The following ZER1 variants were observed in gnomAD, a reference collection of about 807,000 sequenced individuals.
The protein encoded by ZER1 is protein zer-1 homolog.
A neutral mutation model predicts 78.8 loss-of-function variants in ZER1; 11 were observed. The observed-to-expected ratio is 0.14, with a 90% CI of 0.09 to 0.23. ZER1 has a LOEUF of 0.23. Ranked by LOEUF, ZER1 falls within the 10% of genes least tolerant of loss-of-function variation. The probability of loss-of-function intolerance (pLI) is 1.00; values close to 1 mark genes in which losing one functional copy is unlikely to be tolerated. For missense variants in ZER1, 588 were observed against 996.9 expected (o/e 0.59, Z 5.52); for synonymous variants, 400 against 407.0 (o/e 0.98, Z 0.21).
chr9:128,739,091 C>G (rs2132404767), intron 13 of ZER1, among the ~76,000 whole-genome samples: 1 of 151,854 alleles, frequency 6.6e-6, no homozygotes, highest in East Asian at 2.0e-4. Flanking sequence ...ACCTCGTGAT[C>G]TGCCCGCCTC....
intron 1 of ZER1, among the ~76,000 whole-genome samples, chr9:128,760,429 C>G (rs1864004809): frequency 1.3e-5 from 2 of 151,394 alleles, no homozygotes; most frequent in Admixed American, 6.6e-5. Flanking sequence ...GTCTCAATCT[C>G]CTGACCTTGT....
At chr9:128,750,841 G>A (rs369770709) in intron 7 of ZER1, 52 bp from the exon 8 acceptor site, 42 of 1,606,156 alleles carry the variant, frequency 2.6e-5, no homozygotes, top group Non-Finnish European at 3.4e-5. Context: ...AGAGGCCTGG[G>A]CTCTGCAAGG....
chr9:128,738,090 G>C (rs1863150046), intron 13 of ZER1, among the ~76,000 whole-genome samples: 2 of 148,140 alleles, frequency 1.4e-5, no homozygotes, highest in African/African-American at 5.0e-5. Flanking sequence ...TGTCGCCCAG[G>C]CTGGAGTGCA....
In ZER1 at chr9:128,741,855, C is replaced by A; in HGVS notation, c.1576-14G>T. ...CTTCAGCATGGTCTGCAGGCAGGGA[C>A]AAGAGTCTGCTAGAGTGCTGGGGCT... On this transcript the variant is annotated splice_polypyrimidine_tract_variant and intron_variant, in intron 9 of 15. Transcript: ENST00000291900. The A allele has an allele frequency of 6.2e-7, 1 of 1,614,206 alleles. No homozygotes were observed. The highest frequency in any genetic ancestry group is 8.5e-7 in the Non-Finnish European group (1 of 1,180,028).
intron 1 of ZER1, among the ~76,000 whole-genome samples, chr9:128,767,989 T>C (rs1864268087): frequency 1.3e-5 from 2 of 152,216 alleles, no homozygotes; most frequent in African/African-American, 4.8e-5. Flanking sequence ...TGTCAGCATG[T>C]TGCGAGTGGC....
In ZER1 at chr9:128,755,488, G is replaced by C. The variant is rs766216819; in HGVS notation, c.78C>G (p.Gly26=). The C allele has an allele frequency of 3.7e-6, 6 of 1,614,032 alleles. No homozygotes were observed. Among genetic ancestry groups the C allele is most frequent in the Non-Finnish European group, 4.2e-6 (5 of 1,180,018 alleles). Residue 26 remains glycine, a synonymous_variant, in exon 2 of 16, where the codon GGC becomes GGG. Coordinates refer to ENST00000291900, the MANE Select transcript of ZER1 (RefSeq NM_006336.4). This position sits in a 1 kb window ranked among gnomAD's most constrained non-coding sequence, Gnocchi z 5.6. ...FCLRNLDGTL[G]YLLDKETLRL... ...GCAGGGTCTCCTTGTCCAGCAGGTA[G>C]CCCAGGGTGCCATCCAGGTTGCGCA...
intron 13 of ZER1, among the ~76,000 whole-genome samples, chr9:128,738,368 ATTTATT>A (rs1184024452): frequency 5.1e-5 from 7 of 137,678 alleles, no homozygotes; most frequent in African/African-American, 1.1e-4. Flanking sequence ...TGTTTTTTTA[ATTTATT>A]TTTATTTTTA....
At chr9:128,763,767 C>T (rs1864120588) in intron 1 of ZER1, among the ~76,000 whole-genome samples, 1 of 152,158 alleles carries the variant, frequency 6.6e-6, no homozygotes, top group African/African-American at 2.4e-5. Context: ...GTAGGTGGAT[C>T]ACCTGAGGTC....
chr9:128,751,229 T>A lies in ZER1; in HGVS notation c.1078A>T (p.Ile360Phe), dbSNP rs1034637395. Residue 360 changes from isoleucine (I) to phenylalanine (F), a missense_variant, in exon 7 of 16, where the codon ATC becomes TTC. Physicochemically the swap from Ile to Phe is conservative, Grantham distance 21. Coordinates refer to ENST00000291900, the MANE Select transcript of ZER1 (RefSeq NM_006336.4). This position sits in a 1 kb window ranked among gnomAD's most constrained non-coding sequence, Gnocchi z 5.4. Reference sequence around the variant, plus strand: ...GGCCGGTGCTCCGTGTAGGCCTCGATGGCATTCAGCACCTGCTCTTCGTTT... The same window carrying A: ...GGCCGGTGCTCCGTGTAGGCCTCGAAGGCATTCAGCACCTGCTCTTCGTTT... ...DKNEEQVLNA[I>F]EAYTEHRPEI... 1 of 1,604,710 alleles carries A rather than the reference T, an allele frequency of 6.2e-7. No homozygotes were observed.
chr9:128,756,992 G>A (rs1432541181), intron 1 of ZER1, among the ~76,000 whole-genome samples: 1 of 152,078 alleles, frequency 6.6e-6, no homozygotes, highest in East Asian at 1.9e-4. Flanking sequence ...GTGCTAACCA[G>A]GAGGTAGAAA....
Position 128,740,101 on chromosome 9 carries a change from C to T in ZER1, c.1872G>A (p.Lys624=). Residue 624 remains lysine (K), a synonymous_variant, in exon 13 of 16, where the codon AAG becomes AAA. Transcript: ENST00000291900. The surrounding 1 kb of genome is among the most constrained non-coding windows in gnomAD (Gnocchi z 4.4). The stretch of plus-strand genomic sequence containing the variant: ...TGTAGGAAACCTCGATCCCATCGGC[C>T]TTGCTCTCCAACAGGTTGCTGCCAG... ...ISVFSNLLES[K]ADGIEVSYNA... 1 of 1,605,958 alleles carries T rather than the reference C, an allele frequency of 6.2e-7. No individual in the cohort carries two copies. Among genetic ancestry groups the T allele is most frequent in the Non-Finnish European group, 8.5e-7 (1 of 1,173,322 alleles).
At chr9:128,745,321 G>T (rs1341324827) in intron 8 of ZER1, among the ~76,000 whole-genome samples, 2 of 150,868 alleles carry the variant, frequency 1.3e-5, no homozygotes, top group Non-Finnish European at 3.0e-5. Flanking sequence ...TGAGTAGCTG[G>T]GACTACAGGC....
rs1245554934 is a variant in ZER1 at position 128,756,281 on chromosome 9, A to G, written c.-94-622T>C. On this transcript the variant is annotated intron_variant, in intron 1 of 15. Coordinates refer to ENST00000291900, the MANE Select transcript of ZER1 (RefSeq NM_006336.4). ...GCTAACACGGTGAAACCCTGTCTCT[A>G]CTAAAAATACAGAAATTAGCCGGGC... 3.3e-5 allele frequency among the ~76,000 whole-genome samples: 5 copies of G among 152,302 alleles called. No individual in the cohort carries two copies. In the East Asian group the frequency reaches 9.7e-4, roughly 29 times the overall value.
upstream of ZER1, among the ~76,000 whole-genome samples, chr9:128,772,201 T>G (rs1045761217): frequency 6.6e-6 from 1 of 152,278 alleles, no homozygotes; most frequent in Non-Finnish European, 1.5e-5. Context: ...GCGGTTCACC[T>G]GAGCCCAACA....
chr9:128,758,317 G>C lies in ZER1; in HGVS notation c.-94-2658C>G, dbSNP rs183079715. On this transcript the variant is annotated intron_variant, in intron 1 of 15. Coordinates refer to ENST00000291900, the MANE Select transcript of ZER1 (RefSeq NM_006336.4). ...GTATTTTTTTCTTTTAGTAGAGACA[G>C]GGTTATCCATGTTGGCCAGGCTGGT... Among the ~76,000 whole-genome samples, 714 of 152,134 alleles carry C rather than the reference G, an allele frequency of 4.7e-3. 3 individuals are homozygous for C. Among genetic ancestry groups the C allele is most frequent in the Admixed American group, 9.1e-3 (139 of 15,236 alleles).
intron 9 of ZER1, 51 bp downstream of exon 9, chr9:128,742,479 G>C: frequency 6.2e-7 from 1 of 1,601,362 alleles, no homozygotes; most frequent in Admixed American, 1.7e-5. Context: ...TAGAGGGGTG[G>C]GGGAGAGCAG....
chr9:128,763,587 T>C (rs1329301285), intron 1 of ZER1, among the ~76,000 whole-genome samples: 1 of 152,230 alleles, frequency 6.6e-6, no homozygotes, highest in Admixed American at 6.5e-5. Flanking sequence ...CATAAGCGCC[T>C]GTCGCGTAAC....
rs1048402172 is a variant in ZER1 at position 128,735,842 on chromosome 9, A to G, written c.2043-411T>C. Reference sequence around the variant, plus strand: ...GCCCAGGCTGGGGTGCACTGGTGCAATCTCCACTCACTGCAACCTCTGCCT... The same window carrying G: ...GCCCAGGCTGGGGTGCACTGGTGCAGTCTCCACTCACTGCAACCTCTGCCT... On this transcript the variant is annotated intron_variant, in intron 13 of 15. Transcript: ENST00000291900. 5.3e-5 allele frequency among the ~76,000 whole-genome samples: 7 copies of G among 131,390 alleles called. No individual in the cohort carries two copies. The East Asian group carries it at 6.7e-4, about 12-fold the overall frequency. The allele number at this position is 131,390 out of a possible 152,430, so 86.2% of individuals were successfully genotyped here. A position where few individuals can be genotyped will look rare whatever the true frequency, so the allele number is the denominator to read the frequency against.
rs1164884897 is a variant in ZER1 at position 128,739,228 on chromosome 9, C to T, written c.2042+703G>A. Among the ~76,000 whole-genome samples the T allele has an allele frequency of 3.3e-5, 5 of 152,100 alleles. No individual in the cohort carries two copies. In the South Asian group the frequency reaches 6.2e-4, roughly 19 times the overall value. The stretch of plus-strand genomic sequence containing the variant: ...TCTTGAAATCTTGGGCTCAGCTGGA[C>T]GCAGTGGCTCATGCCTGTAATCCCA... On this transcript the variant is annotated intron_variant, in intron 13 of 15. Transcript: ENST00000291900.
Sources: allele counts gnomAD v4.1 joint callset (sites outside exome capture counted in the v4.1 genomes callset), GRCh38; gene constraint gnomAD v4.1.1; non-coding constraint Gnocchi (gnomAD v3.1); transcripts MANE v1.5; gene names NCBI Gene and HGNC (gene_info 2026-07-23, HGNC 2026-07-21).